The following RAB7A variants were observed in gnomAD, a reference collection of about 807,000 sequenced individuals.
RAB7A encodes the protein RAB7A, member RAS oncogene family, also known as ras-related protein Rab-7a.
A neutral mutation model predicts 24.5 loss-of-function variants in RAB7A; 2 were observed. That is an observed-to-expected ratio of 0.08 (90% confidence interval 0.03 to 0.26). RAB7A has a LOEUF of 0.26. Among genes scored for constraint, RAB7A ranks in the 10% least tolerant of loss-of-function variants. The probability of loss-of-function intolerance (pLI) is 1.00; values close to 1 mark genes in which losing one functional copy is unlikely to be tolerated. For synonymous variants in RAB7A, 100 were observed against 95.9 expected, an observed-to-expected ratio of 1.04 and a Z score of -0.25; for missense variants, 118 against 255.7, an observed-to-expected ratio of 0.46 and a Z score of 3.67.
intron 1 of RAB7A, among the ~76,000 whole-genome samples, chr3:128,747,376 C>CAGG (rs2070628724): frequency 6.6e-6 from 1 of 151,584 alleles, no homozygotes; most frequent in Non-Finnish European, 1.5e-5. Flanking sequence ...GACCTAAGGT[C>CAGG]AGGAGTTCAA....
At chr3:128,789,592 CA>C (rs569558488) in intron 1 of RAB7A, among the ~76,000 whole-genome samples, 2 of 152,238 alleles carry the variant, frequency 1.3e-5, no homozygotes, top group African/African-American at 4.8e-5. Flanking sequence ...CTCAGCCTCT[CA>C]GAGTGCTGGG....
intron 1 of RAB7A, among the ~76,000 whole-genome samples, chr3:128,789,221 A>G (rs983797346): frequency 6.6e-6 from 1 of 152,104 alleles, no homozygotes; most frequent in Admixed American, 6.6e-5. Context: ...GATCTTATGT[A>G]ACTCTTTCTT....
At chr3:128,781,461 G>A (rs1047700836) in intron 1 of RAB7A, among the ~76,000 whole-genome samples, 2 of 152,004 alleles carry the variant, frequency 1.3e-5, no homozygotes, top group South Asian at 2.1e-4. Context: ...GTGAACCCAG[G>A]AGTTTGAGAC....
rs3830294 is a variant in RAB7A at position 128,813,585 on chromosome 3, T to TCACA, written c.*177_*180dup. On this transcript the variant is annotated 3_prime_UTR_variant, in exon 6 of 6. Coordinates refer to ENST00000265062, the MANE Select transcript of RAB7A (RefSeq NM_004637.6). ...AACACAGTTACACCCCACATATCTC[T>TCACA]CACACACACACACACACGCACACAC... 1.4e-4 allele frequency: 90 copies of TCACA among 630,258 alleles called. No homozygotes were observed. Among genetic ancestry groups the TCACA allele is most frequent in the African/African-American group, 1.3e-3 (70 of 54,742 alleles). The allele number at this position is 630,258 out of a possible 1,614,324, so 39.0% of individuals were successfully genotyped here.
chr3:128,768,465 G>A lies in RAB7A; in HGVS notation c.-8-26895G>A, dbSNP rs114050136. 2.2e-3 allele frequency among the ~76,000 whole-genome samples: 334 copies of A among 152,210 alleles called. 5 individuals carry two copies. Among genetic ancestry groups the A allele is most frequent in the African/African-American group, 7.2e-3 (299 of 41,526 alleles). On this transcript the variant is annotated intron_variant, in intron 1 of 5. Transcript: ENST00000265062. ...GCTGTTTCGGAGGGGAATGGTTGGGGCATATGGTAGGCATATGCTTTAACT... is the reference window on the plus strand; with the variant it reads ...GCTGTTTCGGAGGGGAATGGTTGGGACATATGGTAGGCATATGCTTTAACT...
At chr3:128,765,016 A>AT in intron 1 of RAB7A, 1 of 1,561,910 alleles carries the variant, frequency 6.4e-7, no homozygotes, top group Non-Finnish European at 8.7e-7. Flanking sequence ...CGCAGTTGTC[A>AT]TGGCAGCAAC....
At chr3:128,800,036 A>G (rs560834192) in intron 3 of RAB7A, among the ~76,000 whole-genome samples, 1 of 152,380 alleles carries the variant, frequency 6.6e-6, no homozygotes, top group East Asian at 1.9e-4. Context: ...CAAGAAGTGA[A>G]AACATAGTAT....
intron 1 of RAB7A, chr3:128,764,377 T>C (rs111367813): frequency 2.9e-5 from 19 of 654,404 alleles, no homozygotes; most frequent in African/African-American, 9.0e-5. Context: ...GCACAACTTA[T>C]AGAAAAGGTA....
chr3:128,758,850 G>GT (rs770621189), intron 1 of RAB7A, among the ~76,000 whole-genome samples: 104 of 152,096 alleles, frequency 6.8e-4, no homozygotes, highest in Non-Finnish European at 1.4e-3. Flanking sequence ...TGTTTTATCT[G>GT]TTTTTTGCTT....
chr3:128,730,313 T>C (rs1576264097), intron 1 of RAB7A, among the ~76,000 whole-genome samples: 1 of 151,808 alleles, frequency 6.6e-6, no homozygotes, highest in East Asian at 1.9e-4. Context: ...CACTGCAAGC[T>C]CCACCTTCCA....
chr3:128,759,842 CT>C (rs2070763258), intron 1 of RAB7A, among the ~76,000 whole-genome samples: 1 of 152,112 alleles, frequency 6.6e-6, no homozygotes, highest in Admixed American at 6.5e-5. Flanking sequence ...TCCCAAGTAG[CT>C]GGAATTACAG....
chr3:128,803,550 C>CTT (rs1029591004), intron 3 of RAB7A, among the ~76,000 whole-genome samples: 1 of 152,158 alleles, frequency 6.6e-6, no homozygotes, highest in Admixed American at 6.5e-5. Flanking sequence ...AGTTCTGAGT[C>CTT]TGAGTGTATG....
At position 128,794,930 on chromosome 3, in the gene RAB7A, G is replaced by T. The variant is rs941765322; in HGVS notation, c.-8-430G>T. Among the ~76,000 whole-genome samples, 4 of 152,098 alleles carry T rather than the reference G, an allele frequency of 2.6e-5. No homozygotes were observed. The East Asian group carries it at 7.8e-4, about 29-fold the overall frequency. ...TAGTGGTAAGTGCTCTGAAGGAAAA[G>T]CAAGCAGAGTAACGGGATAGAGAGC... On this transcript the variant is annotated intron_variant, in intron 1 of 5. Coordinates refer to ENST00000265062, the MANE Select transcript of RAB7A (RefSeq NM_004637.6).
At chr3:128,768,544 G>A (rs971016786) in intron 1 of RAB7A, among the ~76,000 whole-genome samples, 10 of 149,606 alleles carry the variant, frequency 6.7e-5, no homozygotes, top group Non-Finnish European at 1.5e-4. Context: ...TATGTAAAGT[G>A]TGCGTGTTTT....
In RAB7A at chr3:128,763,923, A is replaced by G. The variant is rs1011346170; in HGVS notation, c.-8-31437A>G. Among the ~76,000 whole-genome samples, 108 of 123,200 alleles carry G rather than the reference A, an allele frequency of 8.8e-4. 1 individual carries two copies. The highest frequency in any genetic ancestry group is 2.0e-4 in the Non-Finnish European group (13 of 64,174). The allele number at this position is 123,200 out of a possible 152,430, so 80.8% of individuals were successfully genotyped here. A position where few individuals can be genotyped will look rare whatever the true frequency, so the allele number is the denominator to read the frequency against. On this transcript the variant is annotated intron_variant, in intron 1 of 5. Coordinates refer to ENST00000265062, the MANE Select transcript of RAB7A (RefSeq NM_004637.6). ...AGTTCCTACTTAAAAGACAGGATAC[A>G]TTGTTTTCCTCTACCTACTTATTTT...
chr3:128,805,163 C>T (rs901051733), intron 3 of RAB7A, among the ~76,000 whole-genome samples: 2 of 152,088 alleles, frequency 1.3e-5, no homozygotes, highest in African/African-American at 4.8e-5. Flanking sequence ...GGTCACTTCT[C>T]CACTGACAGA....
chr3:128,779,599 G>C (rs1390877500), intron 1 of RAB7A, among the ~76,000 whole-genome samples: 1 of 151,572 alleles, frequency 6.6e-6, no homozygotes, highest in Non-Finnish European at 1.5e-5. Flanking sequence ...TGGGGTGGGG[G>C]GGTGGTGTTG....
At position 128,796,754 on chromosome 3, in the gene RAB7A, C is replaced by T. The variant is rs372126990; in HGVS notation, c.54-1189C>T. Among the ~76,000 whole-genome samples, 5 of 152,240 alleles carry T rather than the reference C, an allele frequency of 3.3e-5. No homozygotes were observed. The South Asian group carries it at 8.3e-4, about 25-fold the overall frequency. ...CACAGCTCACTGCAGCCTCAACCTC[C>T]TGGTCTTAAGCCATCCTCCCACCTC... On this transcript the variant is annotated intron_variant, in intron 2 of 5. Transcript: ENST00000265062.
intron 1 of RAB7A, among the ~76,000 whole-genome samples, chr3:128,786,269 T>G (rs1478846175): frequency 6.6e-6 from 1 of 152,210 alleles, no homozygotes; most frequent in Non-Finnish European, 1.5e-5. Flanking sequence ...TCAGGGGGTC[T>G]TCACTATTCA....
Sources: gnomAD v4.1 joint callset for allele counts (sites outside exome capture counted in the v4.1 genomes callset) on GRCh38, gnomAD v4.1.1 for gene constraint, MANE v1.5 for transcripts, NCBI Gene and HGNC (gene_info 2026-07-23, HGNC 2026-07-21) for gene names.